USP28: variants seen among roughly 807,000 people sequenced by gnomAD.
USP28 encodes the protein ubiquitin carboxyl-terminal hydrolase 28.
In USP28, 113 loss-of-function variants were observed where a neutral mutation model predicts 145.0. The ratio of observed to expected loss-of-function variants is 0.78; its 90% CI spans 0.67 to 0.91. The LOEUF is 0.91. Among genes scored for constraint, USP28 ranks in the 40% least tolerant of loss-of-function variants. The pLI is 0.00. For missense variants in USP28, 1,201 were observed against 1,289.6 expected, an observed-to-expected ratio of 0.93 and a Z score of 1.05; for synonymous variants, 447 against 450.9, an observed-to-expected ratio of 0.99 and a Z score of 0.11.
chr11:113,838,302 T>C (rs1944808648), intron 5 of USP28, among the ~76,000 whole-genome samples: 1 of 152,200 alleles, frequency 6.6e-6, no homozygotes, highest in African/African-American at 2.4e-5. Flanking sequence ...CCACATTATC[T>C]TCCTATGTTC....
At chr11:113,825,947 C>A (rs767764147) in intron 11 of USP28, among the ~76,000 whole-genome samples, 4 of 152,118 alleles carry the variant, frequency 2.6e-5, no homozygotes, top group Non-Finnish European at 5.9e-5. Flanking sequence ...TCAGAACTCA[C>A]TGGTTATATG....
At chr11:113,804,932 T>G in exon 20 of USP28, 4 of 1,614,252 alleles carry the variant, frequency 2.5e-6, no homozygotes, top group Non-Finnish European at 3.4e-6. Context: ...ACTACCCTTT[T>G]GGGTGCTTCA....
chr11:113,840,667 C>T (rs565557685), exon 5 of USP28: 2 of 1,614,216 alleles, frequency 1.2e-6, no homozygotes, highest in East Asian at 2.2e-5. Flanking sequence ...CATCAACTCT[C>T]CTCCAGTCAT....
At chr11:113,803,748 G>A in intron 22 of USP28, 50 bp downstream of exon 23, 3 of 1,499,020 alleles carry the variant, frequency 2.0e-6, no homozygotes, top group South Asian at 1.2e-5. Context: ...GGCATCTACA[G>A]AGAACAGCAT....
At chr11:113,799,287 C>T in exon 25 of USP28, 2 of 1,614,064 alleles carry the variant, frequency 1.2e-6, no homozygotes, top group African/African-American at 1.3e-5. Flanking sequence ...TCCATGACAG[C>T]TGCAAATCGG....
At chr11:113,855,443 C>T (rs1003110777) in intron 1 of USP28, among the ~76,000 whole-genome samples, 1 of 152,188 alleles carries the variant, frequency 6.6e-6, no homozygotes, top group African/African-American at 2.4e-5. Flanking sequence ...AACAAGAAAT[C>T]TAATTTATAC....
intron 21 of USP28, among the ~76,000 whole-genome samples, chr11:113,804,115 C>G (rs1383651851): frequency 6.6e-6 from 1 of 152,204 alleles, no homozygotes; most frequent in Non-Finnish European, 1.5e-5. Flanking sequence ...TTATTTCCTA[C>G]GAGCTTCGGA....
chr11:113,875,402 C>T, intron 1 of USP28, 43 bp downstream of exon 1: 1 of 1,225,594 alleles, frequency 8.2e-7, no homozygotes, highest in Non-Finnish European at 1.0e-6. Flanking sequence ...CCCTCAGGGC[C>T]TGGAGCCCGC....
At chr11:113,832,722 AATC>A (rs1944145840) in intron 7 of USP28, among the ~76,000 whole-genome samples, 2 of 152,170 alleles carry the variant, frequency 1.3e-5, no homozygotes, top group South Asian at 2.1e-4. Flanking sequence ...AAAGAAAAAA[AATC>A]ATATGAGGAA....
At chr11:113,857,095 C>A (rs964851877) in intron 1 of USP28, among the ~76,000 whole-genome samples, 1 of 152,200 alleles carries the variant, frequency 6.6e-6, no homozygotes, top group African/African-American at 2.4e-5. Context: ...AACTATGACA[C>A]AATGTCTTCA....
At chr11:113,838,999 C>T (rs1297985571) in intron 5 of USP28, among the ~76,000 whole-genome samples, 4 of 152,162 alleles carry the variant, frequency 2.6e-5, no homozygotes, top group Non-Finnish European at 5.9e-5. Context: ...GATGCCTGAT[C>T]GATACTTCTG....
chr11:113,868,652 G>A (rs1039646069), intron 1 of USP28, among the ~76,000 whole-genome samples: 2 of 152,184 alleles, frequency 1.3e-5, no homozygotes, highest in African/African-American at 2.4e-5. Flanking sequence ...TAGGTACCAT[G>A]GTTCACGCCT....
exon 3 of USP28, chr11:113,852,622 A>G: frequency 6.2e-7 from 1 of 1,614,088 alleles, no homozygotes; most frequent in Non-Finnish European, 8.5e-7. Flanking sequence ...GAGTAATGTC[A>G]CCATTACTGG....
chr11:113,875,506 G>T (rs1375181875), exon 1 of USP28: 2 of 1,169,770 alleles, frequency 1.7e-6, no homozygotes, highest in Admixed American at 4.7e-5. Flanking sequence ...AGTCATGGCC[G>T]AGGCGCCCAG....
chr11:113,847,505 C>T (rs1946000734), intron 3 of USP28, among the ~76,000 whole-genome samples: 1 of 152,100 alleles, frequency 6.6e-6, no homozygotes, highest in South Asian at 2.1e-4. Context: ...AAAGACACTT[C>T]AAACATACTT....
chr11:113,820,039 G>C (rs1942371032), intron 12 of USP28, among the ~76,000 whole-genome samples: 1 of 152,254 alleles, frequency 6.6e-6, no homozygotes. Context: ...GCTTGTGGGA[G>C]TTAAAATTTA....
chr11:113,855,954 C>A (rs1303005896), intron 1 of USP28, among the ~76,000 whole-genome samples: 1 of 152,094 alleles, frequency 6.6e-6, no homozygotes, highest in East Asian at 1.9e-4. Context: ...CACCAACAGT[C>A]GTTCTGCTGT....
In USP28 at chr11:113,809,184, A is replaced by AAT; in HGVS notation, c.2041_2042dup (p.Gln682PhefsTer12). 6.2e-7 allele frequency: 1 copy of AAT among 1,614,174 alleles called. No homozygotes were observed. The highest frequency in any genetic ancestry group is 8.5e-7 in the Non-Finnish European group (1 of 1,180,030). On this transcript the variant is annotated frameshift_variant, in exon 17 of 25. Transcript: ENST00000003302. LOFTEE classifies it high-confidence loss of function. ...GCTCAAACCGCCAGTTATCCTCCTG[A>AAT]ATGTAATGCTTGAGTTCCACAGATA... is the stretch of plus-strand genomic sequence containing the variant.
chr11:113,853,877 T>TAAAAAAAAAAAAA (rs1591432343), intron 2 of USP28, among the ~76,000 whole-genome samples: 2 of 12,660 alleles, frequency 1.6e-4, no homozygotes, highest in Admixed American at 7.1e-4. Context: ...AGACTCCATC[T>TAAAAAAAAAAAAA]CAAAAAAAAA....
Sources: allele counts gnomAD v4.1 joint callset (sites outside exome capture counted in the v4.1 genomes callset), GRCh38; gene constraint gnomAD v4.1.1; transcripts MANE v1.5; gene names NCBI Gene and HGNC (gene_info 2026-07-23, HGNC 2026-07-21).